DOCK4: variants seen among roughly 807,000 people sequenced by gnomAD.
The protein encoded by DOCK4 is dedicator of cytokinesis protein 4.
DOCK4 carries 97 observed loss-of-function variants against 268.1 expected under a neutral mutation model. That is an observed-to-expected ratio of 0.36 (90% CI 0.31 to 0.43). DOCK4 has a LOEUF of 0.43. DOCK4 is among the 20% of genes least tolerant of loss of function. The pLI is 1.00. For missense variants in DOCK4, 2,145 were observed against 2,455.7 expected, an observed-to-expected ratio of 0.87 and a Z score of 2.67; for synonymous variants, 954 against 887.2, an observed-to-expected ratio of 1.08 and a Z score of -1.34.
At chr7:112,071,375 G>C (rs1414148557) in intron 1 of DOCK4, among the ~76,000 whole-genome samples, 1 of 152,012 alleles carries the variant, frequency 6.6e-6, no homozygotes. Context: ...ACCTGGCAGA[G>C]TGTATTAAAC....
At chr7:112,113,365 C>T (rs1450207732) in intron 1 of DOCK4, among the ~76,000 whole-genome samples, 1 of 151,688 alleles carries the variant, frequency 6.6e-6, no homozygotes, top group Non-Finnish European at 1.5e-5. Flanking sequence ...GGTCAGTGGG[C>T]CAGAGAGGAC....
chr7:112,160,844 G>A (rs1416857831), intron 1 of DOCK4, among the ~76,000 whole-genome samples: 1 of 152,140 alleles, frequency 6.6e-6, no homozygotes, highest in Non-Finnish European at 1.5e-5. Context: ...CATTTCATCA[G>A]TTTTTCCTGA....
In DOCK4 at chr7:112,091,767, C is replaced by T. The variant is rs377271053; in HGVS notation, c.38-87636G>A. ...ATGCCCCTAGTTAATACTGTGTCCT[C>T]CTGAGATTTGAAATGAACGAGAATC... On this transcript the variant is annotated intron_variant, in intron 1 of 52. Transcript: ENST00000428084. Among the ~76,000 whole-genome samples the T allele has an allele frequency of 7.2e-5, 11 of 152,150 alleles. 1 individual carries two copies. The highest frequency in any genetic ancestry group is 5.8e-4 in the East Asian group (3 of 5,190).
intron 12 of DOCK4, among the ~76,000 whole-genome samples, chr7:111,933,298 ATT>A (rs376735342): frequency 2.5e-4 from 19 of 74,824 alleles, no homozygotes; most frequent in African/African-American, 7.9e-4. Context: ...ATATATATAT[ATT>A]TTTTTTTTTT....
At chr7:112,147,170 A>C (rs1037447737) in intron 1 of DOCK4, among the ~76,000 whole-genome samples, 3 of 152,208 alleles carry the variant, frequency 2.0e-5, no homozygotes, top group African/African-American at 4.8e-5. Flanking sequence ...GATTACCTTC[A>C]ATCTGAATTC....
chr7:112,055,200 G>A (rs1484682708), intron 1 of DOCK4, among the ~76,000 whole-genome samples: 1 of 152,128 alleles, frequency 6.6e-6, no homozygotes, highest in Non-Finnish European at 1.5e-5. Context: ...TCTAAATAAT[G>A]ACCTAAAATA....
chr7:111,908,010 GTGCCATCA>G (rs1467093560), intron 13 of DOCK4, among the ~76,000 whole-genome samples: 1 of 152,134 alleles, frequency 6.6e-6, no homozygotes, highest in Admixed American at 6.5e-5. Flanking sequence ...TTACAGGTGT[GTGCCATCA>G]TGCCCAACTA....
At chr7:112,054,386 T>A (rs895462948) in intron 1 of DOCK4, among the ~76,000 whole-genome samples, 1 of 152,142 alleles carries the variant, frequency 6.6e-6, no homozygotes, top group Non-Finnish European at 1.5e-5. Flanking sequence ...CATGTATCTT[T>A]ACCACAACTG....
intron 49 of DOCK4, among the ~76,000 whole-genome samples, chr7:111,738,511 A>G (rs1157434763): frequency 6.6e-6 from 1 of 152,244 alleles, no homozygotes; most frequent in Admixed American, 6.5e-5. Flanking sequence ...AGGGCATGCA[A>G]ACACAGGCAC....
intron 28 of DOCK4, 37 bp downstream of exon 28, chr7:111,811,837 T>C: frequency 8.1e-7 from 1 of 1,227,778 alleles, no homozygotes; most frequent in Non-Finnish European, 1.2e-6. Flanking sequence ...GTGATTCTTT[T>C]AGCCCAAGCA....
chr7:111,902,111 G>T (rs1791197929), intron 13 of DOCK4, among the ~76,000 whole-genome samples: 1 of 152,122 alleles, frequency 6.6e-6, no homozygotes, highest in Non-Finnish European at 1.5e-5. Flanking sequence ...TATTTATGAG[G>T]TGTGATTATA....
At chr7:111,885,882 T>C (rs1189295125) in intron 16 of DOCK4, among the ~76,000 whole-genome samples, 1 of 152,174 alleles carries the variant, frequency 6.6e-6, no homozygotes, top group Admixed American at 6.5e-5. Flanking sequence ...AGTAGTCTCA[T>C]CTTCTTTGAG....
chr7:112,120,467 T>G (rs1812634535), intron 1 of DOCK4, among the ~76,000 whole-genome samples: 1 of 152,188 alleles, frequency 6.6e-6, no homozygotes, highest in African/African-American at 2.4e-5. Flanking sequence ...AATACTTTTT[T>G]TGTGTTTATA....
At chr7:112,081,018 C>T (rs1415768141) in intron 1 of DOCK4, among the ~76,000 whole-genome samples, 2 of 152,086 alleles carry the variant, frequency 1.3e-5, no homozygotes, top group African/African-American at 4.8e-5. Flanking sequence ...TGTCGAGGTA[C>T]ATTTCTAGAG....
At chr7:111,928,029 A>C (rs1334900118) in intron 12 of DOCK4, among the ~76,000 whole-genome samples, 1 of 152,170 alleles carries the variant, frequency 6.6e-6, no homozygotes, top group African/African-American at 2.4e-5. Flanking sequence ...ATTTCTCTAC[A>C]ACTCCCTGTT....
intron 1 of DOCK4, among the ~76,000 whole-genome samples, chr7:112,021,627 A>G (rs1397250952): frequency 2.0e-5 from 3 of 152,208 alleles, no homozygotes; most frequent in Admixed American, 2.0e-4. Context: ...CATCATTTCC[A>G]TGAATTCTCC....
At chr7:111,949,997 G>C (rs140101575) in intron 8 of DOCK4, among the ~76,000 whole-genome samples, 2 of 152,184 alleles carry the variant, frequency 1.3e-5, no homozygotes, top group Admixed American at 1.3e-4. Context: ...CGCGATCTCA[G>C]CTCACTGCAA....
intron 12 of DOCK4, among the ~76,000 whole-genome samples, chr7:111,933,063 T>C (rs1794329615): frequency 6.7e-6 from 1 of 148,970 alleles, no homozygotes; most frequent in Admixed American, 6.8e-5. Flanking sequence ...TGTGTATATA[T>C]ATACATATAT....
intron 51 of DOCK4, 111 bp from the exon 52 acceptor site, chr7:111,732,398 C>T (rs1271343989): frequency 1.1e-5 from 12 of 1,097,606 alleles, no homozygotes; most frequent in Non-Finnish European, 1.6e-5. Flanking sequence ...GCATAAGGAC[C>T]TTCTAAGCAA....
Sources: allele counts gnomAD v4.1 joint callset (sites outside exome capture counted in the v4.1 genomes callset), GRCh38; gene constraint gnomAD v4.1.1; transcripts MANE v1.5; gene names NCBI Gene and HGNC (gene_info 2026-07-23, HGNC 2026-07-21).